OR9Q1: variants seen among roughly 807,000 people sequenced by gnomAD.
The protein encoded by OR9Q1 is olfactory receptor family 9 subfamily Q member 1.
For missense variants in OR9Q1, 374 were observed against 378.8 expected, an observed-to-expected ratio of 0.99 and a Z score of 0.11; for synonymous variants, 153 against 148.6, an observed-to-expected ratio of 1.03 and a Z score of -0.22.
In OR9Q1 at chr11:58,120,840, GT is replaced by G. The variant is rs534164534; in HGVS notation, c.-14-58585del. 1.2e-4 allele frequency among the ~76,000 whole-genome samples: 13 copies of G among 106,710 alleles called. No individual in the cohort carries two copies. The East Asian group carries it at 3.2e-3, about 26-fold the overall frequency. 70.0% of individuals were successfully genotyped at this position (106,710 alleles called of 152,430 possible). ...TATATATATATATACATATATTCTT[GT>G]TTTTTGACTGAGTAAATTTGACCTT... is the stretch of plus-strand genomic sequence containing the variant. On this transcript the variant is annotated intron_variant, in intron 2 of 2. Coordinates refer to ENST00000335397, the MANE Select transcript of OR9Q1 (RefSeq NM_001005212.4).
chr11:58,077,327 G>A (rs1456849127), intron 2 of OR9Q1: 4 of 152,198 alleles, frequency 2.6e-5, no homozygotes, highest in East Asian at 1.9e-4. Context: ...GAGGAGACTG[G>A]TCAAGAAGTT....
chr11:58,032,131 T>A (rs1233917474), intron 1 of OR9Q1, among the ~76,000 whole-genome samples: 1 of 152,046 alleles, frequency 6.6e-6, no homozygotes, highest in Non-Finnish European at 1.5e-5. Context: ...TGAAAAAACA[T>A]CCCATGCTCA....
At chr11:58,035,419 T>A (rs1853092134) in intron 1 of OR9Q1, among the ~76,000 whole-genome samples, 1 of 152,198 alleles carries the variant, frequency 6.6e-6, no homozygotes, top group Non-Finnish European at 1.5e-5. Flanking sequence ...CTATGTCAGT[T>A]GGTATTTTGG....
chr11:58,026,417 C>T (rs960771527), intron 1 of OR9Q1, among the ~76,000 whole-genome samples: 1 of 152,096 alleles, frequency 6.6e-6, no homozygotes, highest in African/African-American at 2.4e-5. Flanking sequence ...CATGGTGGCT[C>T]ATGCCTGTAA....
intron 2 of OR9Q1, among the ~76,000 whole-genome samples, chr11:58,089,537 G>T (rs1232413473): frequency 6.6e-6 from 1 of 151,872 alleles, no homozygotes; most frequent in African/African-American, 2.4e-5. Flanking sequence ...CCAGTACCAT[G>T]CTTTTTGATT....
chr11:58,058,470 G>A (rs969769001), intron 2 of OR9Q1, among the ~76,000 whole-genome samples: 1 of 152,172 alleles, frequency 6.6e-6, no homozygotes, highest in Non-Finnish European at 1.5e-5. Context: ...TTAAAGGCAG[G>A]TATTATTCCT....
intron 2 of OR9Q1, among the ~76,000 whole-genome samples, chr11:58,119,652 C>G (rs574958396): frequency 6.6e-6 from 1 of 152,134 alleles, no homozygotes; most frequent in Non-Finnish European, 1.5e-5. Context: ...GCTGGTATTT[C>G]TGATTCAAAC....
intron 2 of OR9Q1, among the ~76,000 whole-genome samples, chr11:58,085,752 T>C (rs1264098839): frequency 6.6e-6 from 1 of 151,914 alleles, no homozygotes; most frequent in African/African-American, 2.4e-5. Flanking sequence ...GGCTCTTTAC[T>C]ATAGACCATA....
chr11:58,104,229 A>C (rs1272554291), intron 2 of OR9Q1, among the ~76,000 whole-genome samples: 1 of 152,154 alleles, frequency 6.6e-6, no homozygotes. Context: ...TGTATTTTGT[A>C]CAAGGCCATG....
chr11:58,159,730 A>G (rs1015190284), intron 2 of OR9Q1, among the ~76,000 whole-genome samples: 1 of 152,238 alleles, frequency 6.6e-6, no homozygotes. Context: ...TCTGGTCTAG[A>G]ATGATAGCAG....
chr11:58,180,246 G>C lies in OR9Q1; in HGVS notation c.802G>C (p.Glu268Gln), dbSNP rs1443195687. ...GAGAGGTAACTCAGATCAGTCTTCGGAGAAGAATCGGGTAGTGTCTGTGCT... is the reference window on the plus strand; with the variant it reads ...GAGAGGTAACTCAGATCAGTCTTCGCAGAAGAATCGGGTAGTGTCTGTGCT... ...YLRGNSDQSS[E>Q]KNRVVSVLYT... The change falls in exon 3 of 3, where the codon GAG becomes CAG. Residue 268 changes from glutamate (E) to glutamine (Q), a missense_variant. Physicochemically the swap from Glu to Gln is conservative, Grantham distance 29. Transcript: ENST00000335397. 1 of 1,614,104 alleles carries C rather than the reference G, an allele frequency of 6.2e-7. No individual in the cohort carries two copies.
intron 1 of OR9Q1, among the ~76,000 whole-genome samples, chr11:58,042,542 A>C (rs1369168260): frequency 6.6e-6 from 1 of 150,766 alleles, no homozygotes; most frequent in Non-Finnish European, 1.5e-5. Context: ...TGTTTTGGTG[A>C]CTGTAGCCTT....
chr11:58,052,769 C>T (rs1177015626), intron 1 of OR9Q1, among the ~76,000 whole-genome samples: 2 of 149,632 alleles, frequency 1.3e-5, no homozygotes, highest in African/African-American at 4.9e-5. Context: ...ACAAACAACC[C>T]CATCAAATAG....
At chr11:58,179,387 C>T (rs1854637251) in intron 2 of OR9Q1, 44 bp from the exon 3 acceptor site, 3 of 1,171,904 alleles carry the variant, frequency 2.6e-6, no homozygotes, top group South Asian at 3.0e-5. Context: ...CAGGTAAATC[C>T]TATTTGCACC....
intron 1 of OR9Q1, among the ~76,000 whole-genome samples, chr11:58,025,738 G>A (rs1221897245): frequency 6.6e-6 from 1 of 152,184 alleles, no homozygotes; most frequent in East Asian, 1.9e-4. Context: ...AGGTGGTGGA[G>A]CTGAGATTTG....
At chr11:58,129,150 A>G (rs921733320) in intron 2 of OR9Q1, among the ~76,000 whole-genome samples, 1 of 151,994 alleles carries the variant, frequency 6.6e-6, no homozygotes, top group Non-Finnish European at 1.5e-5. Flanking sequence ...TGGATCCACC[A>G]TCTCCACGGC....
chr11:58,132,481 A>G (rs1338896136), intron 2 of OR9Q1, among the ~76,000 whole-genome samples: 4 of 152,230 alleles, frequency 2.6e-5, no homozygotes, highest in Non-Finnish European at 4.4e-5. Flanking sequence ...GTAAAGACTC[A>G]ATGAGTTAAA....
intron 2 of OR9Q1, among the ~76,000 whole-genome samples, chr11:58,164,461 T>C (rs1854483258): frequency 1.3e-5 from 2 of 151,954 alleles, no homozygotes; most frequent in African/African-American, 4.8e-5. Flanking sequence ...TTACAATCAG[T>C]GAAAGAGCAG....
rs568410765 is a variant in OR9Q1, at chr11:58,040,146, C to T, written c.-92-15724C>T. Among the ~76,000 whole-genome samples the T allele has an allele frequency of 2.6e-5, 4 of 152,314 alleles. No homozygotes were observed. The East Asian group carries it at 7.7e-4, about 29-fold the overall frequency. ...AAACCTGTTCATTGACTCTTAACCTCTGTACAGTGATACCCTGAGTAAATT... is the reference window on the plus strand; with the variant it reads ...AAACCTGTTCATTGACTCTTAACCTTTGTACAGTGATACCCTGAGTAAATT... On this transcript the variant is annotated intron_variant, in intron 1 of 2. Transcript: ENST00000335397.
Sources: allele counts gnomAD v4.1 joint callset (sites outside exome capture counted in the v4.1 genomes callset), GRCh38; gene constraint gnomAD v4.1.1; transcripts MANE v1.5; gene names NCBI Gene and HGNC (gene_info 2026-07-23, HGNC 2026-07-21).